ZMIZ1: variants seen among roughly 807,000 people sequenced by gnomAD.
ZMIZ1 encodes the protein zinc finger MIZ domain-containing protein 1.
ZMIZ1 carries 17 observed loss-of-function variants against 113.9 expected under a neutral mutation model. The observed-to-expected ratio is 0.15, with a 90% CI of 0.10 to 0.22. The LOEUF (loss-of-function observed/expected upper bound fraction) is 0.22, where lower values mean the gene tolerates loss of function less well. ZMIZ1 is among the 10% of genes least tolerant of loss of function. ZMIZ1 has a pLI of 1.00. For missense variants in ZMIZ1, 1,059 were observed against 1,477.8 expected, an observed-to-expected ratio of 0.72 and a Z score of 4.65; for synonymous variants, 607 against 603.1, an observed-to-expected ratio of 1.01 and a Z score of -0.09.
At position 79,208,455 on chromosome 10, in the gene ZMIZ1, T is replaced by G; in HGVS notation, c.174+6T>G. ...GCCTGATGGGCTGTTTGACGGTGAG[T>G]CTGCACCCTGTCCGCCTGCATTCCT... On this transcript the variant is annotated splice_donor_region_variant and intron_variant, in intron 6 of 24. Coordinates refer to ENST00000334512, the MANE Select transcript of ZMIZ1 (RefSeq NM_020338.4). 6.2e-7 allele frequency: 1 copy of G among 1,610,474 alleles called. No individual in the cohort carries two copies.
At chr10:79,218,603 G>GTGTCTGTC (rs1004355651) in intron 7 of ZMIZ1, among the ~76,000 whole-genome samples, 4 of 151,730 alleles carry the variant, frequency 2.6e-5, no homozygotes, top group Non-Finnish European at 5.9e-5. Context: ...GTGTGTGTGT[G>GTGTCTGTC]TGTCTGTCTG....
chr10:79,310,195 C>T (rs1855028161), intron 23 of ZMIZ1, among the ~76,000 whole-genome samples: 1 of 152,208 alleles, frequency 6.6e-6, no homozygotes, highest in African/African-American at 2.4e-5. Flanking sequence ...CTGCCTCCCT[C>T]ACAACCCTGT....
intron 7 of ZMIZ1, among the ~76,000 whole-genome samples, chr10:79,276,668 G>A (rs1202416656): frequency 6.6e-6 from 1 of 152,208 alleles, no homozygotes; most frequent in African/African-American, 2.4e-5. Context: ...CTCCTAGGTT[G>A]TCAGCAGATT....
At chr10:79,072,705 ATTT>A (rs1842331456) in intron 1 of ZMIZ1, among the ~76,000 whole-genome samples, 2 of 151,998 alleles carry the variant, frequency 1.3e-5, no homozygotes, top group South Asian at 4.1e-4. Flanking sequence ...GGTCCTCTAC[ATTT>A]TCATTCATAA....
At chr10:79,299,668 A>G (rs1289182928) in intron 16 of ZMIZ1, among the ~76,000 whole-genome samples, 2 of 152,268 alleles carry the variant, frequency 1.3e-5, no homozygotes, top group East Asian at 3.8e-4. Flanking sequence ...GTGCTGGAAC[A>G]CAAGGTCCGG....
chr10:79,152,456 C>T (rs545306808), intron 3 of ZMIZ1, among the ~76,000 whole-genome samples: 7 of 152,314 alleles, frequency 4.6e-5, no homozygotes, highest in Non-Finnish European at 1.0e-4. Context: ...TCAGAGATTA[C>T]ACCACTGCAC....
At chr10:79,170,143 CA>C in intron 4 of ZMIZ1, among the ~76,000 whole-genome samples, 1 of 152,302 alleles carries the variant, frequency 6.6e-6, no homozygotes, top group South Asian at 2.1e-4. Flanking sequence ...CCTAGGCCTC[CA>C]ATTTTTAAAC....
intron 7 of ZMIZ1, among the ~76,000 whole-genome samples, chr10:79,216,869 C>CT (rs1848753214): frequency 6.6e-6 from 1 of 152,252 alleles, no homozygotes; most frequent in Admixed American, 6.5e-5. Flanking sequence ...GTCTCCTGAC[C>CT]TTGCAGTAAG....
chr10:79,250,985 G>A (rs568643011), intron 7 of ZMIZ1, among the ~76,000 whole-genome samples: 11 of 152,158 alleles, frequency 7.2e-5, no homozygotes, highest in Non-Finnish European at 1.3e-4. Flanking sequence ...AACAGACCAC[G>A]CGCAGGGAGA....
chr10:79,076,087 G>A (rs1842464956), intron 1 of ZMIZ1, among the ~76,000 whole-genome samples: 1 of 152,198 alleles, frequency 6.6e-6, no homozygotes, highest in Non-Finnish European at 1.5e-5. Flanking sequence ...TCCTAAGCTT[G>A]TAGCATAAAA....
rs1293233666 is a variant in ZMIZ1, at chr10:79,289,822, A to G, written c.473A>G (p.Asn158Ser). 4 of 1,614,074 alleles carry G rather than the reference A, an allele frequency of 2.5e-6. No individual in the cohort carries two copies. The highest frequency in any genetic ancestry group is 3.4e-6 in the Non-Finnish European group (4 of 1,179,936). The change falls in exon 9 of 25, where the codon AAC becomes AGC. Residue 158 changes from asparagine to serine, a missense_variant. Transcript: ENST00000334512. ...TCTGTCCCTTGGCAGCAGAACACCA[A>G]CCAGCCTCCCGGCTCCCTTTCCGTG... Reference protein sequence around the residue: ...YDSVPWQQNTNQPPGSLSVVT... With the variant: ...YDSVPWQQNTSQPPGSLSVVT...
chr10:79,077,193 G>A (rs1463366943), intron 1 of ZMIZ1, among the ~76,000 whole-genome samples: 4 of 152,092 alleles, frequency 2.6e-5, no homozygotes. Flanking sequence ...CTGTCCACAG[G>A]GGTCCCACCC....
intron 4 of ZMIZ1, among the ~76,000 whole-genome samples, chr10:79,199,808 C>A: frequency 6.6e-6 from 1 of 152,150 alleles, no homozygotes; most frequent in East Asian, 1.9e-4. Flanking sequence ...ATTACCTGTT[C>A]AGACACACAT....
At chr10:79,288,263 G>A (rs969504666) in intron 8 of ZMIZ1, among the ~76,000 whole-genome samples, 3 of 152,180 alleles carry the variant, frequency 2.0e-5, no homozygotes, top group Admixed American at 6.5e-5. Context: ...GCAGCCCTCC[G>A]CCTCCCTCTG....
intron 4 of ZMIZ1, among the ~76,000 whole-genome samples, chr10:79,186,668 G>A (rs1412404741): frequency 6.6e-6 from 1 of 152,178 alleles, no homozygotes; most frequent in Non-Finnish European, 1.5e-5. Flanking sequence ...GTAAATCACA[G>A]GTCAGAAGTA....
intron 7 of ZMIZ1, among the ~76,000 whole-genome samples, chr10:79,240,571 T>C (rs1849779232): frequency 6.6e-6 from 1 of 151,054 alleles, no homozygotes; most frequent in Non-Finnish European, 1.5e-5. Flanking sequence ...TCCCGTGCAG[T>C]CTGGTGAATG....
chr10:79,096,826 G>A (rs1300030245), intron 1 of ZMIZ1, among the ~76,000 whole-genome samples: 1 of 152,188 alleles, frequency 6.6e-6, no homozygotes, highest in Non-Finnish European at 1.5e-5. Flanking sequence ...CACAATCAAG[G>A]ACACCTTTAT....
intron 1 of ZMIZ1, among the ~76,000 whole-genome samples, chr10:79,112,286 G>A (rs58706377): frequency 0.016 from 2,416 of 152,250 alleles, 69 homozygotes; most frequent in African/African-American, 0.051. Flanking sequence ...GTGCCAGGTC[G>A]GACCCACGCT....
At chr10:79,260,844 G>A (rs900119149) in intron 7 of ZMIZ1, among the ~76,000 whole-genome samples, 1 of 152,138 alleles carries the variant, frequency 6.6e-6, no homozygotes, top group African/African-American at 2.4e-5. Context: ...TGCTGTTTTC[G>A]CTGGTTGTCC....
Sources: allele counts gnomAD v4.1 joint callset (sites outside exome capture counted in the v4.1 genomes callset), GRCh38; gene constraint gnomAD v4.1.1; transcripts MANE v1.5; gene names NCBI Gene and HGNC (gene_info 2026-07-23, HGNC 2026-07-21).